NEGR1: variants seen among roughly 807,000 people sequenced by gnomAD.
NEGR1 encodes the protein neuronal growth regulator 1, also known as IgLON family member 4.
A neutral mutation model predicts 40.9 loss-of-function variants in NEGR1; 10 were observed. The ratio of observed to expected loss-of-function variants is 0.24; its 90% CI spans 0.15 to 0.42. The LOEUF is 0.42. Among genes scored for constraint, NEGR1 ranks in the 10% least tolerant of loss-of-function variants. The pLI is 1.00. For missense variants in NEGR1, 352 were observed against 438.9 expected (o/e 0.80, Z 1.77); for synonymous variants, 185 against 166.8 (o/e 1.11, Z -0.84).
At chr1:71,786,731 T>G (rs1656923730) in intron 2 of NEGR1, among the ~76,000 whole-genome samples, 1 of 152,162 alleles carries the variant, frequency 6.6e-6, no homozygotes, top group African/African-American at 2.4e-5. Context: ...TTTAATACTC[T>G]TTCCACTAAA....
At chr1:72,203,438 T>C (rs148156585) in intron 1 of NEGR1, among the ~76,000 whole-genome samples, 6 of 152,212 alleles carry the variant, frequency 3.9e-5, no homozygotes, top group African/African-American at 7.2e-5. Context: ...TATGACTGAA[T>C]TGCTGCAATC....
At chr1:72,143,546 A>T (rs1014913149) in intron 1 of NEGR1, among the ~76,000 whole-genome samples, 1 of 151,798 alleles carries the variant, frequency 6.6e-6, no homozygotes, top group Non-Finnish European at 1.5e-5. Flanking sequence ...TCCTAATAAA[A>T]TATAAATAAT....
chr1:71,650,485 AT>A (rs1651675412), intron 4 of NEGR1, among the ~76,000 whole-genome samples: 1 of 152,232 alleles, frequency 6.6e-6, no homozygotes, highest in Non-Finnish European at 1.5e-5. Context: ...CTGTGAAGAT[AT>A]AAATGCAAAA....
chr1:71,484,816 G>A (rs1460292180), intron 6 of NEGR1: 1 of 151,550 alleles, frequency 6.6e-6, no homozygotes, highest in East Asian at 1.9e-4. Context: ...ACAGAAGGTG[G>A]GTGATACCTG....
At chr1:71,698,245 C>G in intron 3 of NEGR1, 106 bp from the exon 4 acceptor site, 3 of 940,286 alleles carry the variant, frequency 3.2e-6, no homozygotes. Context: ...AAAACAATTC[C>G]AAATGAAACT....
chr1:72,174,503 C>A (rs1230862032), intron 1 of NEGR1, among the ~76,000 whole-genome samples: 1 of 152,120 alleles, frequency 6.6e-6, no homozygotes, highest in Non-Finnish European at 1.5e-5. Flanking sequence ...TCTTTCTCCC[C>A]TCCAACTCTG....
At chr1:72,028,033 T>C (rs1053294259) in intron 1 of NEGR1, among the ~76,000 whole-genome samples, 1 of 152,242 alleles carries the variant, frequency 6.6e-6, no homozygotes, top group African/African-American at 2.4e-5. Flanking sequence ...GCACTGGTCC[T>C]GTCTCCAACC....
chr1:71,525,260 G>A (rs1304599206), intron 6 of NEGR1, among the ~76,000 whole-genome samples: 1 of 151,412 alleles, frequency 6.6e-6, no homozygotes, highest in African/African-American at 2.4e-5. Flanking sequence ...TCTTTCCACT[G>A]GTAAACCAGA....
At chr1:71,995,859 G>A (rs1292081821) in intron 1 of NEGR1, among the ~76,000 whole-genome samples, 1 of 151,968 alleles carries the variant, frequency 6.6e-6, no homozygotes, top group African/African-American at 2.4e-5. Flanking sequence ...TTGAAGTTTT[G>A]TTTTTAATGA....
chr1:71,498,900 C>T (rs1646982421), intron 6 of NEGR1, among the ~76,000 whole-genome samples: 1 of 152,092 alleles, frequency 6.6e-6, no homozygotes, highest in Non-Finnish European at 1.5e-5. Flanking sequence ...TGCCAGGTCT[C>T]TTGGCTTCCA....
At chr1:71,978,504 C>T (rs959546147) in intron 1 of NEGR1, among the ~76,000 whole-genome samples, 8 of 151,806 alleles carry the variant, frequency 5.3e-5, no homozygotes, top group African/African-American at 1.9e-4. Context: ...TAACAACTAC[C>T]AAACTCAATT....
At chr1:71,429,144 G>T (rs184151809) in intron 6 of NEGR1, among the ~76,000 whole-genome samples, 1 of 151,570 alleles carries the variant, frequency 6.6e-6, no homozygotes, top group East Asian at 1.9e-4. Context: ...TTCATAAACC[G>T]CATTGACTAG....
chr1:71,597,472 C>CTCTCTCTCTCTGTGTGTGTG (rs756076229), intron 5 of NEGR1, among the ~76,000 whole-genome samples: 29 of 31,326 alleles, frequency 9.3e-4, no homozygotes, highest in South Asian at 4.6e-3. Flanking sequence ...CTCTCTCTCT[C>CTCTCTCTCTCTGTGTGTGTG]TGTGTGTGTG....
chr1:71,583,741 T>C (rs983736049), intron 6 of NEGR1, among the ~76,000 whole-genome samples: 1 of 152,170 alleles, frequency 6.6e-6, no homozygotes, highest in Non-Finnish European at 1.5e-5. Context: ...GGAAAACATA[T>C]ATGTTGTTAC....
chr1:71,771,697 C>A (rs1410246813), intron 3 of NEGR1, among the ~76,000 whole-genome samples: 1 of 5,632 alleles, frequency 1.8e-4, no homozygotes, highest in African/African-American at 2.2e-4. Context: ...AAGACTTAGT[C>A]TCAAAAAAAA....
Position 71,776,255 on chromosome 1 carries a change from T to C in NEGR1, c.452A>G (p.Asn151Ser), listed in dbSNP as rs370438310. Residue 151 changes from asparagine (N) to serine (S), a missense_variant, in exon 3 of 7, where the codon AAT becomes AGT. Physicochemically the swap from Asn to Ser is conservative, Grantham distance 46. Around this residue, in one of 5 missense-constraint regions of NEGR1, gnomAD observed 50 missense variants for 53.0 expected, o/e 0.94. Transcript: ENST00000357731. ...IYDISNDMTV[N>S]EGTNVTLTCL... The stretch of plus-strand genomic sequence containing the variant: ...AGTAAGAGTGACGTTGGTTCCTTCA[T>C]TGACGGTCATATCATTTGAGATGTC... 58 of 1,604,666 alleles carry C rather than the reference T, an allele frequency of 3.6e-5. No homozygotes were observed. Among genetic ancestry groups the C allele is most frequent in the South Asian group, 8.9e-5 (8 of 89,978 alleles).
intron 1 of NEGR1, among the ~76,000 whole-genome samples, chr1:72,205,726 G>A (rs1170360815): frequency 2.6e-5 from 3 of 114,194 alleles, no homozygotes; most frequent in African/African-American, 1.0e-4. Context: ...CTCAAGACCA[G>A]CCCGGGCAAA....
intron 1 of NEGR1, among the ~76,000 whole-genome samples, chr1:72,194,955 C>T (rs777393155): frequency 6.6e-6 from 1 of 151,974 alleles, no homozygotes; most frequent in Non-Finnish European, 1.5e-5. Flanking sequence ...GCATACAGCC[C>T]AAGCACAGTA....
intron 4 of NEGR1, among the ~76,000 whole-genome samples, chr1:71,635,281 C>G (rs796968072): frequency 2.6e-5 from 4 of 152,168 alleles, no homozygotes; most frequent in African/African-American, 4.8e-5. Flanking sequence ...AACCACCGCC[C>G]GCACTTCCAC....
Sources: allele counts gnomAD v4.1 joint callset (sites outside exome capture counted in the v4.1 genomes callset), GRCh38; gene constraint gnomAD v4.1.1; regional missense constraint gnomAD v4.1.1; transcripts MANE v1.5; gene names NCBI Gene and HGNC (gene_info 2026-07-23, HGNC 2026-07-21).